The following NUDT5 variants were observed in gnomAD, a reference collection of about 807,000 sequenced individuals.
NUDT5 encodes the protein nudix hydrolase 5.
NUDT5 carries 21 observed loss-of-function variants against 34.1 expected under a neutral mutation model. The ratio of observed to expected loss-of-function variants is 0.62; its 90% confidence interval spans 0.44 to 0.89. NUDT5 has a LOEUF of 0.89. NUDT5 is among the 40% of genes least tolerant of loss of function. NUDT5 has a pLI of 0.00. For missense variants in NUDT5, 249 were observed against 274.8 expected, an observed-to-expected ratio of 0.91 and a Z score of 0.66; for synonymous variants, 85 against 97.6, an observed-to-expected ratio of 0.87 and a Z score of 0.76.
chr10:12,190,966 G>A (rs888650166), intron 1 of NUDT5, among the ~76,000 whole-genome samples: 3 of 152,136 alleles, frequency 2.0e-5, no homozygotes, highest in Non-Finnish European at 4.4e-5. Flanking sequence ...AGAGTGCAGA[G>A]AAAGCATTCC....
At chr10:12,190,298 T>C (rs1176323036) in intron 1 of NUDT5, among the ~76,000 whole-genome samples, 1 of 152,218 alleles carries the variant, frequency 6.6e-6, no homozygotes, top group African/African-American at 2.4e-5. Context: ...AGGTCTAGGA[T>C]GTGTTGGATG....
chr10:12,177,746 G>C (rs372553041), intron 5 of NUDT5, 47 bp downstream of exon 5: 56 of 1,364,112 alleles, frequency 4.1e-5, no homozygotes, highest in Admixed American at 6.7e-5. Flanking sequence ...CTTTACCCTG[G>C]TTCAGGCCAA....
chr10:12,170,934 T>C lies in NUDT5; in HGVS notation c.488-26A>G. ...CTGGAAATAAACAGAAGGAAAACAT[T>C]TCAGCAAGGCCTGGAGTGGTAACAT... is the stretch of plus-strand genomic sequence containing the variant. On this transcript the variant is annotated intron_variant, in intron 7 of 9. Coordinates refer to ENST00000491614, the MANE Select transcript of NUDT5 (RefSeq NM_014142.4). The surrounding 1 kb of genome is among the most constrained non-coding windows in gnomAD (Gnocchi z 4.9). 6.2e-7 allele frequency: 1 copy of C among 1,611,960 alleles called. No homozygotes were observed. Among genetic ancestry groups the C allele is most frequent in the Non-Finnish European group, 8.5e-7 (1 of 1,179,008 alleles).
intron 1 of NUDT5, among the ~76,000 whole-genome samples, chr10:12,193,917 G>GC (rs1472751639): frequency 2.7e-5 from 4 of 145,696 alleles, no homozygotes; most frequent in Non-Finnish European, 4.5e-5. Context: ...TCGCTCTGTT[G>GC]CCAGGCTGGA....
rs929652555 is a variant in NUDT5, at chr10:12,175,292, C to T, written c.290-1479G>A. Among the ~76,000 whole-genome samples the T allele has an allele frequency of 6.6e-6, 1 of 151,850 alleles. No homozygotes were observed. The highest frequency in any genetic ancestry group is 6.6e-5 in the Admixed American group (1 of 15,234). ...CTGAAATCGTGCCACTGCACTCTAG[C>T]TTGGGCAACAAAAGTGAAACTGCAT... On this transcript the variant is annotated intron_variant, in intron 5 of 9. Coordinates refer to ENST00000491614, the MANE Select transcript of NUDT5 (RefSeq NM_014142.4). This position sits in a 1 kb window ranked among gnomAD's most constrained non-coding sequence, Gnocchi z 4.8.
In NUDT5 at chr10:12,173,924, T is replaced by C; in HGVS notation, c.290-111A>G. On this transcript the variant is annotated intron_variant, in intron 5 of 9. Transcript: ENST00000491614. The surrounding 1 kb of genome is among the most constrained non-coding windows in gnomAD (Gnocchi z 4.7). Reference sequence around the variant, plus strand: ...CTCTGTCGCCCAGGCTGGAGTGCAGTGGTGCGATCTCGGCCCACTGCAACC... The same window carrying C: ...CTCTGTCGCCCAGGCTGGAGTGCAGCGGTGCGATCTCGGCCCACTGCAACC... 2 of 780,470 alleles carry C rather than the reference T, an allele frequency of 2.6e-6. No homozygotes were observed. Among genetic ancestry groups the C allele is most frequent in the Non-Finnish European group, 4.4e-6 (2 of 450,908 alleles). The allele number at this position is 780,470 out of a possible 1,614,324, so 48.3% of individuals were successfully genotyped here.
chr10:12,177,458 G>A lies in NUDT5; in HGVS notation c.289+335C>T, dbSNP rs184427734. Among the ~76,000 whole-genome samples, 22 of 152,258 alleles carry A rather than the reference G, an allele frequency of 1.4e-4. No homozygotes were observed. In the East Asian group the frequency reaches 2.7e-3, roughly 19 times the overall value. Reference sequence around the variant, plus strand: ...TGCTTGAACCCAGGAGGCGGAGGTTGCAGTGAGCCGAGATCGTGCCACTGC... The same window carrying A: ...TGCTTGAACCCAGGAGGCGGAGGTTACAGTGAGCCGAGATCGTGCCACTGC... On this transcript the variant is annotated intron_variant, in intron 5 of 9. Coordinates refer to ENST00000491614, the MANE Select transcript of NUDT5 (RefSeq NM_014142.4).
At chr10:12,192,582 G>A (rs773583179) in intron 1 of NUDT5, among the ~76,000 whole-genome samples, 17 of 151,996 alleles carry the variant, frequency 1.1e-4, no homozygotes, top group African/African-American at 3.6e-4. Context: ...GGCCGGGCTC[G>A]GTGGCTCATG....
intron 3 of NUDT5, chr10:12,184,372 G>C (rs1835091599): frequency 1.3e-6 from 1 of 749,266 alleles, no homozygotes; most frequent in South Asian, 2.1e-5. Flanking sequence ...TTAACACTTT[G>C]TTAAAACTGG....
At chr10:12,179,342 A>C (rs1835009185) in intron 3 of NUDT5, among the ~76,000 whole-genome samples, 1 of 152,186 alleles carries the variant, frequency 6.6e-6, no homozygotes, top group Non-Finnish European at 1.5e-5. Context: ...AACTCTTGCC[A>C]CCCTACACCT....
chr10:12,191,760 G>A (rs1835234817), intron 1 of NUDT5, among the ~76,000 whole-genome samples: 2 of 152,140 alleles, frequency 1.3e-5, no homozygotes, highest in Non-Finnish European at 2.9e-5. Flanking sequence ...CTAATTTTGG[G>A]GTTAGGCAGC....
chr10:12,177,134 A>AT (rs1242093626), intron 5 of NUDT5, among the ~76,000 whole-genome samples: 3 of 151,186 alleles, frequency 2.0e-5, no homozygotes, highest in Non-Finnish European at 4.4e-5. Flanking sequence ...AAAAAAAAAA[A>AT]GCCTGGCCTA....
rs762480348 is a variant in NUDT5 at position 12,172,844 on chromosome 10, C to T, written c.408G>A (p.Leu136=). 1 of 1,614,186 alleles carries T rather than the reference C, an allele frequency of 6.2e-7. No individual in the cohort carries two copies. The highest frequency in any genetic ancestry group is 8.5e-7 in the Non-Finnish European group (1 of 1,179,998). ...TCACGATGTGTATAGTACAGTTTGA[C>T]AAGCCTGGGTCCATACAGACCGCTG... ...CSPAVCMDPG[L]SNCTIHIVTV... is the part of the protein sequence containing the mutation. Residue 136 remains leucine (L), a synonymous_variant, in exon 7 of 10, where the codon TTG becomes TTA. Transcript: ENST00000491614.
chr10:12,178,643 G>A (rs186090377), intron 4 of NUDT5, among the ~76,000 whole-genome samples: 2 of 152,348 alleles, frequency 1.3e-5, no homozygotes, highest in East Asian at 1.9e-4. Context: ...GCCTGGAGGG[G>A]AGGGTGAATG....
chr10:12,183,225 C>T (rs753635290), intron 3 of NUDT5, among the ~76,000 whole-genome samples: 1 of 152,158 alleles, frequency 6.6e-6, no homozygotes, highest in East Asian at 1.9e-4. Context: ...ATTTCTGTAT[C>T]GGGTTTGGGC....
chr10:12,170,504 A>C lies in NUDT5; in HGVS notation c.550+213T>G, dbSNP rs372426238. On this transcript the variant is annotated intron_variant, in intron 9 of 9. Transcript: ENST00000491614. This position sits in a 1 kb window ranked among gnomAD's most constrained non-coding sequence, Gnocchi z 4.9. ...GAAAAAGCCTCTACCAAAAGTTTGC[A>C]CTTGACCCAGAATGCTTTGCTCTTA... The C allele has an allele frequency of 2.4e-4, 152 of 636,736 alleles. 1 individual carries two copies. The highest frequency in any genetic ancestry group is 2.3e-3 in the East Asian group (86 of 36,690). 39.4% of individuals were successfully genotyped at this position (636,736 alleles called of 1,614,324 possible).
At chr10:12,185,658 C>T (rs1835114641) in intron 2 of NUDT5, among the ~76,000 whole-genome samples, 1 of 152,244 alleles carries the variant, frequency 6.6e-6, no homozygotes, top group Admixed American at 6.5e-5. Context: ...TTCAGCAGAT[C>T]TGTTCACAGA....
intron 5 of NUDT5, among the ~76,000 whole-genome samples, chr10:12,176,369 C>CA (rs1250769172): frequency 6.6e-6 from 1 of 151,948 alleles, no homozygotes; most frequent in Non-Finnish European, 1.5e-5. Flanking sequence ...TTTGAGAGGC[C>CA]AAGGTGGGTG....
At chr10:12,194,566 T>C (rs1481124299) in intron 1 of NUDT5, among the ~76,000 whole-genome samples, 1 of 152,264 alleles carries the variant, frequency 6.6e-6, no homozygotes, top group African/African-American at 2.4e-5. Context: ...AAATGTATTC[T>C]TTAAAGCACT....
Sources: gnomAD v4.1 joint callset for allele counts (sites outside exome capture counted in the v4.1 genomes callset) on GRCh38, gnomAD v4.1.1 for gene constraint, Gnocchi (gnomAD v3.1) non-coding constraint, MANE v1.5 for transcripts, NCBI Gene and HGNC (gene_info 2026-07-23, HGNC 2026-07-21) for gene names.